The following SND1 variants were observed in gnomAD, a reference collection of about 807,000 sequenced individuals.
The protein encoded by SND1 is staphylococcal nuclease domain-containing protein 1.
SND1 carries 38 observed loss-of-function variants against 121.7 expected under a neutral mutation model. The ratio of observed to expected loss-of-function variants is 0.31; its 90% CI spans 0.24 to 0.41. SND1 has a LOEUF of 0.41. SND1 is among the 10% of genes least tolerant of loss of function. The pLI, the probability that SND1 is intolerant of heterozygous loss-of-function variation, is 1.00. For synonymous variants in SND1, 401 were observed against 447.4 expected (o/e 0.90, Z 1.31); for missense variants, 868 against 1,184.6 (o/e 0.73, Z 3.92).
intron 10 of SND1, among the ~76,000 whole-genome samples, chr7:127,786,005 A>C: frequency 6.6e-6 from 1 of 152,200 alleles, no homozygotes; most frequent in Non-Finnish European, 1.5e-5. Context: ...ATCTGCTTGC[A>C]TCAGGAAAGA....
intron 12 of SND1, among the ~76,000 whole-genome samples, chr7:127,876,034 A>G (rs1799682729): frequency 6.6e-6 from 1 of 152,046 alleles, no homozygotes; most frequent in African/African-American, 2.4e-5. Flanking sequence ...TGAGTTAATA[A>G]ATGTACAGCG....
At chr7:127,680,931 C>A (rs1272959954) in intron 1 of SND1, among the ~76,000 whole-genome samples, 1 of 152,010 alleles carries the variant, frequency 6.6e-6, no homozygotes, top group East Asian at 1.9e-4. Context: ...AATTTGGGAA[C>A]TAATAAATGT....
chr7:127,771,072 C>T (rs983582190), intron 10 of SND1, among the ~76,000 whole-genome samples: 1 of 152,286 alleles, frequency 6.6e-6, no homozygotes, highest in Non-Finnish European at 1.5e-5. Flanking sequence ...GCATCTTTTC[C>T]AGGCACCAGG....
intron 16 of SND1, chr7:128,028,571 A>T (rs953004573): frequency 1.4e-5 from 15 of 1,056,786 alleles, no homozygotes; most frequent in Non-Finnish European, 2.1e-5. Flanking sequence ...CAGCCCATAG[A>T]CTTAATATAT....
At chr7:127,990,401 T>C (rs1264598940) in intron 15 of SND1, among the ~76,000 whole-genome samples, 4 of 152,160 alleles carry the variant, frequency 2.6e-5, no homozygotes, top group Admixed American at 2.6e-4. Flanking sequence ...AAGCCGATGA[T>C]ACTATTGTCC....
At chr7:128,063,002 C>T (rs985408430) in intron 16 of SND1, among the ~76,000 whole-genome samples, 5 of 152,184 alleles carry the variant, frequency 3.3e-5, no homozygotes, top group African/African-American at 1.2e-4. Flanking sequence ...CCAGCACCAC[C>T]TAATCCCTTG....
At chr7:127,831,200 AG>A in intron 11 of SND1, among the ~76,000 whole-genome samples, 1 of 152,308 alleles carries the variant, frequency 6.6e-6, no homozygotes, top group South Asian at 2.1e-4. Context: ...AGAGGGCACA[AG>A]GGGGATGGGG....
chr7:128,038,448 T>C (rs1295278580), intron 16 of SND1, among the ~76,000 whole-genome samples: 3 of 152,250 alleles, frequency 2.0e-5, no homozygotes, highest in Non-Finnish European at 4.4e-5. Context: ...CATGCTATTG[T>C]TGAACTAGAA....
At chr7:127,735,255 G>GTGGACTTTTGAA (rs1217749452) in intron 10 of SND1, among the ~76,000 whole-genome samples, 5 of 152,166 alleles carry the variant, frequency 3.3e-5, no homozygotes, top group African/African-American at 4.8e-5. Flanking sequence ...TTAGTATTGA[G>GTGGACTTTTGAA]TGGACTTCTT....
At chr7:127,829,549 A>G (rs1221522746) in intron 11 of SND1, among the ~76,000 whole-genome samples, 1 of 152,180 alleles carries the variant, frequency 6.6e-6, no homozygotes, top group Non-Finnish European at 1.5e-5. Flanking sequence ...ACTGCTCTCA[A>G]CTGATTCTCA....
intron 2 of SND1, among the ~76,000 whole-genome samples, chr7:127,691,488 G>A (rs1337984998): frequency 6.6e-6 from 1 of 151,824 alleles, no homozygotes; most frequent in Non-Finnish European, 1.5e-5. Context: ...AGGTTGCAGT[G>A]AACCAAGATT....
At chr7:127,685,628 G>A (rs1237128858) in intron 1 of SND1, among the ~76,000 whole-genome samples, 2 of 152,148 alleles carry the variant, frequency 1.3e-5, no homozygotes, top group African/African-American at 4.8e-5. Context: ...GAGCTTTAGA[G>A]CTCTTTTCAC....
intron 12 of SND1, among the ~76,000 whole-genome samples, chr7:127,883,025 A>G (rs1418027832): frequency 1.3e-5 from 2 of 152,130 alleles, no homozygotes; most frequent in African/African-American, 4.8e-5. Context: ...CCAAACTAAA[A>G]GAGATGTTTA....
intron 10 of SND1, among the ~76,000 whole-genome samples, chr7:127,802,314 G>C (rs1301133247): frequency 6.6e-6 from 1 of 152,108 alleles, no homozygotes; most frequent in African/African-American, 2.4e-5. Context: ...TGTTCTTGCT[G>C]TCCTCAGGTT....
At chr7:127,960,158 A>T (rs1801697490) in intron 15 of SND1, among the ~76,000 whole-genome samples, 2 of 152,222 alleles carry the variant, frequency 1.3e-5, no homozygotes, top group African/African-American at 4.8e-5. Context: ...ACATTACAAT[A>T]TCTAGGCCAA....
At chr7:128,010,763 T>G (rs968388228) in intron 16 of SND1, among the ~76,000 whole-genome samples, 1 of 152,224 alleles carries the variant, frequency 6.6e-6, no homozygotes, top group African/African-American at 2.4e-5. Flanking sequence ...TGTAGTTACC[T>G]GAAGTATGCA....
At chr7:127,704,521 C>T (rs1458188402) in intron 7 of SND1, among the ~76,000 whole-genome samples, 3 of 152,216 alleles carry the variant, frequency 2.0e-5, no homozygotes, top group Non-Finnish European at 4.4e-5. Flanking sequence ...TAACATCCTC[C>T]TCTGCCCACA....
chr7:127,884,082 T>C (rs1055420462), intron 12 of SND1, among the ~76,000 whole-genome samples: 1 of 152,196 alleles, frequency 6.6e-6, no homozygotes, highest in Non-Finnish European at 1.5e-5. Flanking sequence ...AATCTCATTT[T>C]ATTCAAACAG....
chr7:127,724,921 G>A (rs1253973996), intron 10 of SND1, among the ~76,000 whole-genome samples: 1 of 152,108 alleles, frequency 6.6e-6, no homozygotes, highest in Non-Finnish European at 1.5e-5. Flanking sequence ...TGCTGCTCCA[G>A]CAGTCCTTCT....
Sources: gnomAD v4.1 joint callset for allele counts (sites outside exome capture counted in the v4.1 genomes callset) on GRCh38, gnomAD v4.1.1 for gene constraint, MANE v1.5 for transcripts, NCBI Gene and HGNC (gene_info 2026-07-23, HGNC 2026-07-21) for gene names.